EPN3: variants seen among roughly 807,000 people sequenced by gnomAD.
EPN3 encodes the protein epsin-3.
EPN3 carries 56 observed loss-of-function variants against 55.5 expected under a neutral mutation model. That is an observed-to-expected ratio of 1.01 (90% CI 0.81 to 1.26). The LOEUF (loss-of-function observed/expected upper bound fraction) is 1.26, where lower values mean the gene tolerates loss of function less well. Among genes scored for constraint, EPN3 ranks in the 50% most tolerant of loss-of-function variants. The pLI is 0.00. For missense variants in EPN3, 927 were observed against 853.4 expected (o/e 1.09, Z -1.07); for synonymous variants, 449 against 375.2 (o/e 1.20, Z -2.27).
intron 6 of EPN3, 49 bp from the exon 7 acceptor site, chr17:50,540,744 G>A (rs767923943): frequency 2.2e-5 from 34 of 1,532,120 alleles, no homozygotes; most frequent in Middle Eastern, 3.5e-4. Context: ...GGCCCTGGGC[G>A]AGGGATAAGG....
At position 50,532,868 on chromosome 17, in the gene EPN3, A is replaced by T; in HGVS notation, c.-254A>T. ...AGGTGGGTCTCTGGGACGAGGGTCC[A>T]TGGTGGATGGCTCTGGAGACGCTCC... On this transcript the variant is annotated 5_prime_UTR_variant, in exon 1 of 10. The change abolishes an upstream ATG in the 5' untranslated region. Coordinates refer to ENST00000268933, the MANE Select transcript of EPN3 (RefSeq NM_017957.3). 1 of 1,285,926 alleles carries T rather than the reference A, an allele frequency of 7.8e-7. No homozygotes were observed. Among genetic ancestry groups the T allele is most frequent in the Non-Finnish European group, 1.0e-6 (1 of 987,240 alleles). 79.7% of individuals were successfully genotyped at this position (1,285,926 alleles called of 1,614,324 possible).
rs1248353754 is a variant in EPN3 at position 50,535,086 on chromosome 17, G to A, written c.-136-1335G>A. ...CTTGGGCCTGGAGTTGTATTCAGCA[G>A]ATAGCCTGGACCTGTGGCTACTGGG... On this transcript the variant is annotated intron_variant, in intron 1 of 9. Transcript: ENST00000268933. 2.0e-5 allele frequency among the ~76,000 whole-genome samples: 3 copies of A among 152,332 alleles called. No homozygotes were observed. The East Asian group carries it at 5.8e-4, about 29-fold the overall frequency.
Position 50,536,581 on chromosome 17 carries a change from C to T in EPN3, c.25C>T (p.Gln9Ter). Residue 9 changes from glutamine to a stop codon, truncating the protein, a stop_gained, in exon 2 of 10, where the codon CAG becomes TAG. Coordinates refer to ENST00000268933, the MANE Select transcript of EPN3 (RefSeq NM_017957.3). LOFTEE classifies it high-confidence loss of function. MTTSALRR[Q>*]VKNIVHNYSE... Reference sequence around the variant, plus strand: ...CATGACGACCTCCGCACTCCGGCGCCAGGTGAAGAACATCGTGCACAACTA... The same window carrying T: ...CATGACGACCTCCGCACTCCGGCGCTAGGTGAAGAACATCGTGCACAACTA... 1 of 1,614,006 alleles carries T rather than the reference C, an allele frequency of 6.2e-7. No individual in the cohort carries two copies. The highest frequency in any genetic ancestry group is 8.5e-7 in the Non-Finnish European group (1 of 1,180,028).
In EPN3 at chr17:50,542,243, T is replaced by G. The variant is rs1487414219; in HGVS notation, c.*86T>G. ...GACCCGGGGCTGGGCGGGGCGCCGG[T>G]GCTAGTGGAACGCCGAGCCAGTGGC... On this transcript the variant is annotated 3_prime_UTR_variant, in exon 10 of 10. Coordinates refer to ENST00000268933, the MANE Select transcript of EPN3 (RefSeq NM_017957.3). 1 of 1,346,036 alleles carries G rather than the reference T, an allele frequency of 7.4e-7. No individual in the cohort carries two copies. The highest frequency in any genetic ancestry group is 9.6e-7 in the Non-Finnish European group (1 of 1,045,460). 83.4% of individuals were successfully genotyped at this position (1,346,036 alleles called of 1,614,324 possible).
chr17:50,536,366 G>C (rs2034760311), intron 1 of EPN3, 55 bp from the exon 2 acceptor site: 2 of 1,407,440 alleles, frequency 1.4e-6, no homozygotes, highest in Admixed American at 2.9e-5. Context: ...GTCAGTGGCT[G>C]AGTGACCCAT....
In EPN3 at chr17:50,540,269, A is replaced by C. The variant is rs779824348; in HGVS notation, c.914A>C (p.Asp305Ala). Residue 305 changes from aspartate to alanine, a missense_variant, in exon 6 of 10, where the codon GAC (aspartate) becomes GCC (alanine). By Grantham distance (126) the Asp-to-Ala change is moderately radical. Coordinates refer to ENST00000268933, the MANE Select transcript of EPN3 (RefSeq NM_017957.3). The part of the protein sequence containing the change: ...TSQSSILDLA[D>A]IFVPALAPPS... The stretch of plus-strand genomic sequence containing the variant: ...CAGTCCTCCATCCTGGACTTGGCTG[A>C]CATCTTCGTACCTGCCCTGGCCCCG... 4 of 1,612,682 alleles carry C rather than the reference A, an allele frequency of 2.5e-6. No individual in the cohort carries two copies. The South Asian group carries it at 3.3e-5, about 13-fold the overall frequency.
chr17:50,542,112 G>A lies in EPN3; in HGVS notation c.1854G>A (p.Gly618=), dbSNP rs1367393822. The change falls in exon 10 of 10, where the codon GGG becomes GGA. Residue 618 remains glycine (G), a synonymous_variant. Coordinates refer to ENST00000268933, the MANE Select transcript of EPN3 (RefSeq NM_017957.3). ...TGCTGCCCACGCCGAGCTCAGCCGG[G>A]CCGCGGCCCCCGCCCCCGCAGACCG... ...QPLLPTPSSA[G]PRPPPPQTGT... 3.0e-5 allele frequency: 46 copies of A among 1,536,738 alleles called. No individual in the cohort carries two copies. The highest frequency in any genetic ancestry group is 3.9e-5 in the Non-Finnish European group (45 of 1,151,720).
chr17:50,537,116 A>G lies in EPN3; in HGVS notation c.560A>G (p.Asn187Ser), dbSNP rs778473635. ...SRSRGSPSSY[N>S]SSSSSPRYTS... ...TCCCGGGGCTCCCCGTCCTCCTACA[A>G]CTGTGAGTAAGCCCCGGTGTGTGGC... Residue 187 changes from asparagine to serine, a missense_variant and splice_region_variant, in exon 2 of 10, where the codon AAC (asparagine) becomes AGC (serine). By Grantham distance (46) the Asn-to-Ser change is conservative (BLOSUM62 1). Transcript: ENST00000268933. 3.1e-6 allele frequency: 5 copies of G among 1,592,920 alleles called. No individual in the cohort carries two copies. The African/African-American group carries it at 6.7e-5, about 21-fold the overall frequency.
chr17:50,535,357 C>T lies in EPN3; in HGVS notation c.-136-1064C>T, dbSNP rs369475704. On this transcript the variant is annotated intron_variant, in intron 1 of 9. Coordinates refer to ENST00000268933, the MANE Select transcript of EPN3 (RefSeq NM_017957.3). Reference sequence around the variant, plus strand: ...ATGGTAGTCCAGGCTCTGCCACTTACGTGCCATATGATGCAGGCAGGTCCC... The same window carrying T: ...ATGGTAGTCCAGGCTCTGCCACTTATGTGCCATATGATGCAGGCAGGTCCC... 3.9e-5 allele frequency among the ~76,000 whole-genome samples: 6 copies of T among 152,210 alleles called. 1 individual carries two copies. The highest frequency in any genetic ancestry group is 4.1e-4 in the South Asian group (2 of 4,830).
intron 3 of EPN3, chr17:50,538,536 C>T: frequency 2.3e-6 from 1 of 428,302 alleles, no homozygotes; most frequent in Non-Finnish European, 4.1e-6. Flanking sequence ...CGCCCACCAG[C>T]TATCCTTTTG....
chr17:50,542,156 G>C lies in EPN3; in HGVS notation c.1898G>C (p.Ter633SerextTer56). The C allele has an allele frequency of 6.7e-7, 1 of 1,496,066 alleles. No homozygotes were observed. Among genetic ancestry groups the C allele is most frequent in the African/African-American group, 1.5e-5 (1 of 68,650 alleles). The allele number at this position is 1,496,066 out of a possible 1,614,324, so 92.7% of individuals were successfully genotyped here. Residue 633 changes from the stop codon to serine (S), a stop_lost, in exon 10 of 10, where the codon TGA (stop) becomes TCA (serine). Coordinates refer to ENST00000268933, the MANE Select transcript of EPN3 (RefSeq NM_017957.3). ...PPQTGTNPFL* is the reference protein window; with the variant it reads ...PPQTGTNPFLS ...CAGACCGGCACCAACCCCTTCCTCT[G>C]AGCCCCGCCCCGTCCCATACCGGCC...
At chr17:50,535,462 G>A (rs1372692545) in intron 1 of EPN3, among the ~76,000 whole-genome samples, 1 of 152,140 alleles carries the variant, frequency 6.6e-6, no homozygotes, top group African/African-American at 2.4e-5. Context: ...GAACTCTGAG[G>A]GGCAGTCTTC....
chr17:50,542,217 G>A lies in EPN3; in HGVS notation c.*60G>A. The A allele has an allele frequency of 7.1e-7, 1 of 1,404,876 alleles. No individual in the cohort carries two copies. Among genetic ancestry groups the A allele is most frequent in the South Asian group, 1.5e-5 (1 of 66,086 alleles). The allele number at this position is 1,404,876 out of a possible 1,614,324, so 87.0% of individuals were successfully genotyped here. Reference sequence around the variant, plus strand: ...CCGGACGCTCCGCGGCCCCGCCTCCGGACCCGGGGCTGGGCGGGGCGCCGG... The same window carrying A: ...CCGGACGCTCCGCGGCCCCGCCTCCAGACCCGGGGCTGGGCGGGGCGCCGG... On this transcript the variant is annotated 3_prime_UTR_variant, in exon 10 of 10. Transcript: ENST00000268933.
chr17:50,538,848 G>A (rs765710621), intron 3 of EPN3, 36 bp from the exon 4 acceptor site: 3 of 1,512,748 alleles, frequency 2.0e-6, no homozygotes, highest in East Asian at 2.3e-5. Context: ...CAAGGTGGGG[G>A]TACAGGGCCA....
chr17:50,533,956 T>C (rs1716112243), intron 1 of EPN3, among the ~76,000 whole-genome samples: 1 of 152,208 alleles, frequency 6.6e-6, no homozygotes, highest in African/African-American at 2.4e-5. Flanking sequence ...GCCGCTGGGT[T>C]TCTGTTACAC....
rs776909171 is a variant in EPN3, at chr17:50,536,757, C to T, written c.201C>T (p.Ser67=). 45 of 1,614,000 alleles carry T rather than the reference C, an allele frequency of 2.8e-5. No individual in the cohort carries two copies. Among genetic ancestry groups the T allele is most frequent in the African/African-American group, 4.0e-5 (3 of 74,902 alleles). Residue 67 remains serine (S), a synonymous_variant, in exon 2 of 10, where the codon AGC becomes AGT. Transcript: ENST00000268933. ...TGCTGTGGCGGCGGCTCAATGACAG[C>T]GGCAAGAACTGGCGGCACGTGTACA... ...MGMLWRRLND[S]GKNWRHVYKA... is the part of the protein sequence containing the mutation.
rs371438233 is a variant in EPN3, at chr17:50,537,770, A to G, written c.563-309A>G. ...ACCTCCCTTGCCCCCAAGCCAGGAC[A>G]GGGTCCATCTGGAAGTCCAAGAGCT... On this transcript the variant is annotated intron_variant, in intron 2 of 9. Coordinates refer to ENST00000268933, the MANE Select transcript of EPN3 (RefSeq NM_017957.3). Among the ~76,000 whole-genome samples, 365 of 152,324 alleles carry G rather than the reference A, an allele frequency of 2.4e-3. 1 individual carries two copies. The highest frequency in any genetic ancestry group is 8.3e-3 in the African/African-American group (345 of 41,580).
At chr17:50,538,685 C>T in intron 3 of EPN3, 199 bp from the exon 4 acceptor site, 2 of 502,670 alleles carry the variant, frequency 4.0e-6, no homozygotes, top group South Asian at 8.8e-5. Flanking sequence ...AAAGATCAGT[C>T]TTCCTGACCT....
In EPN3 at chr17:50,536,497, T is replaced by G. The variant is rs1351188319; in HGVS notation, c.-60T>G. The G allele has an allele frequency of 1.2e-6, 2 of 1,604,126 alleles. No homozygotes were observed. The highest frequency in any genetic ancestry group is 1.7e-6 in the Non-Finnish European group (2 of 1,178,250). ...CTTCAAGACTGTGACCTCGCCACAG[T>G]GGCCCTCAGCCCTCCACCTCCGGCG... On this transcript the variant is annotated 5_prime_UTR_variant, in exon 2 of 10. Transcript: ENST00000268933.
Sources: allele counts gnomAD v4.1 joint callset (sites outside exome capture counted in the v4.1 genomes callset), GRCh38; gene constraint gnomAD v4.1.1; transcripts MANE v1.5; gene names NCBI Gene and HGNC (gene_info 2026-07-23, HGNC 2026-07-21).